The following TMEM131L variants were observed in gnomAD, a reference collection of about 807,000 sequenced individuals.
TMEM131L encodes the protein transmembrane protein 131-like.
A neutral mutation model predicts 192.2 loss-of-function variants in TMEM131L; 54 were observed. That is an observed-to-expected ratio of 0.28 (90% confidence interval 0.23 to 0.35). The LOEUF (loss-of-function observed/expected upper bound fraction) is 0.35. TMEM131L is among the 10% of genes least tolerant of loss of function. TMEM131L has a pLI of 1.00. For missense variants in TMEM131L, 1,888 were observed against 1,972.9 expected (o/e 0.96, Z 0.82); for synonymous variants, 701 against 704.9 (o/e 0.99, Z 0.09).
chr4:153,578,948 G>A (rs914116301), intron 7 of TMEM131L, among the ~76,000 whole-genome samples: 6 of 152,184 alleles, frequency 3.9e-5, no homozygotes, highest in Middle Eastern at 3.4e-3. Context: ...ATGAGCCACT[G>A]CACCCAGCCT....
chr4:153,469,314 G>GACACACACACACACACACACAC lies in TMEM131L; in HGVS notation c.195+2038_195+2059dup, dbSNP rs201245535. The stretch of plus-strand genomic sequence containing the variant: ...TATACCTGGGCCCAAGGGTAAGGGA[G>GACACACACACACACACACACAC]ACACACACACACACACACACACACA... On this transcript the variant is annotated intron_variant, in intron 2 of 34. Coordinates refer to ENST00000409959, the MANE Select transcript of TMEM131L (RefSeq NM_001131007.2). Among the ~76,000 whole-genome samples, 142 of 148,918 alleles carry GACACACACACACACACACACAC rather than the reference G, an allele frequency of 9.5e-4. 1 individual carries two copies. Among genetic ancestry groups the GACACACACACACACACACACAC allele is most frequent in the African/African-American group, 3.3e-3 (134 of 40,130 alleles).
intron 3 of TMEM131L, among the ~76,000 whole-genome samples, chr4:153,531,515 A>C (rs529484508): frequency 2.0e-5 from 3 of 152,258 alleles, no homozygotes; most frequent in Admixed American, 6.5e-5. Context: ...GGAAAGGAAT[A>C]TATTTCAAAA....
rs180889946 is a variant in TMEM131L at position 153,592,667 on chromosome 4, C to T, written c.1922+83C>T. ...TACTTAATGTCCTACACTTTTTCAA[C>T]CAGGACCTGTGTGTGGATGTGGACA... On this transcript the variant is annotated intron_variant, in intron 18 of 34. Coordinates refer to ENST00000409959, the MANE Select transcript of TMEM131L (RefSeq NM_001131007.2). The T allele has an allele frequency of 8.6e-5, 82 of 951,804 alleles. No homozygotes were observed. The East Asian group carries it at 1.6e-3, about 19-fold the overall frequency. The allele number at this position is 951,804 out of a possible 1,614,324, so 59.0% of individuals were successfully genotyped here. A position where few individuals can be genotyped will look rare whatever the true frequency, so the allele number is the denominator to read the frequency against.
chr4:153,573,077 C>T (rs1729699620), intron 7 of TMEM131L, among the ~76,000 whole-genome samples: 1 of 152,184 alleles, frequency 6.6e-6, no homozygotes, highest in African/African-American at 2.4e-5. Flanking sequence ...TTCTGTTGCA[C>T]ATATATATCA....
At chr4:153,477,601 A>T (rs1057085956) in intron 3 of TMEM131L, among the ~76,000 whole-genome samples, 3 of 143,836 alleles carry the variant, frequency 2.1e-5, no homozygotes, top group African/African-American at 4.9e-5. Context: ...GACTTATATA[A>T]AAAAAAAATT....
chr4:153,550,184 C>G (rs746715082), intron 4 of TMEM131L, 43 bp downstream of exon 4: 463 of 833,074 alleles, frequency 5.6e-4, no homozygotes, highest in Admixed American at 4.1e-4. Flanking sequence ...TTTATTTATA[C>G]TATTTATTTT....
At chr4:153,624,137 T>G (rs1291121855) in intron 29 of TMEM131L, among the ~76,000 whole-genome samples, 3 of 150,900 alleles carry the variant, frequency 2.0e-5, no homozygotes, top group Non-Finnish European at 2.9e-5. Flanking sequence ...TATTTTTTTT[T>G]TGAGAGAGAG....
intron 7 of TMEM131L, among the ~76,000 whole-genome samples, chr4:153,563,758 C>T (rs990173556): frequency 5.3e-5 from 8 of 152,206 alleles, no homozygotes; most frequent in South Asian, 4.1e-4. Context: ...TAAACCACCA[C>T]GCCTGGCCTG....
At chr4:153,572,007 ATC>A (rs1344590793) in intron 7 of TMEM131L, among the ~76,000 whole-genome samples, 7 of 151,598 alleles carry the variant, frequency 4.6e-5, no homozygotes, top group Non-Finnish European at 1.0e-4. Flanking sequence ...CTCTTTTTAT[ATC>A]TGTTTAACCT....
At chr4:153,552,667 T>TA (rs1442412632) in intron 4 of TMEM131L, among the ~76,000 whole-genome samples, 6 of 151,990 alleles carry the variant, frequency 3.9e-5, no homozygotes, top group Admixed American at 3.3e-4. Flanking sequence ...CCTGTCTCCA[T>TA]AAAATTTTTT....
In TMEM131L at chr4:153,581,402, C is replaced by T. The variant is rs1340038554; in HGVS notation, c.739-5C>T. The T allele has an allele frequency of 1.3e-6, 2 of 1,535,100 alleles. No homozygotes were observed. Among genetic ancestry groups the T allele is most frequent in the South Asian group, 1.3e-5 (1 of 79,770 alleles). ...TTCCTTTTTTCCTCCTCCTTCCAAC[C>T]ATAGGGTTGTTATCTGGAATCTGAT... On this transcript the variant is annotated splice_region_variant and splice_polypyrimidine_tract_variant and intron_variant, in intron 8 of 34. Coordinates refer to ENST00000409959, the MANE Select transcript of TMEM131L (RefSeq NM_001131007.2).
rs56205456 is a variant in TMEM131L at position 153,569,581 on chromosome 4, C to T, written c.660+11213C>T. Among the ~76,000 whole-genome samples, 1,368 of 152,230 alleles carry T rather than the reference C, an allele frequency of 9.0e-3. 13 individuals carry two copies. The highest frequency in any genetic ancestry group is 0.016 in the Non-Finnish European group (1,065 of 67,976). On this transcript the variant is annotated intron_variant, in intron 7 of 34. Transcript: ENST00000409959. ...AATATCAGCCATATAAAATGCCTGT[C>T]ATAGAGATGCATAGTGGGAGTGAAT...
chr4:153,555,870 C>T lies in TMEM131L; in HGVS notation c.392C>T (p.Ala131Val). Residue 131 changes from alanine to valine, a missense_variant, in exon 5 of 35, where the codon GCA becomes GTA. Physicochemically the swap from Ala to Val is moderately conservative, Grantham distance 64. Transcript: ENST00000409959. The surrounding 1 kb of genome is among the most constrained non-coding windows in gnomAD (Gnocchi z 4.1). Reference protein sequence around the residue: ...DSEVVVNSVFAAAGHFHVPPV... With the variant: ...DSEVVVNSVFVAAGHFHVPPV... ...GAGGTTGTGGTGAATTCAGTGTTTG[C>T]AGCTGCTGGACATTTCCATGTACCG... is the stretch of plus-strand genomic sequence containing the variant. 6.4e-7 allele frequency: 1 copy of T among 1,551,648 alleles called. No individual in the cohort carries two copies. The highest frequency in any genetic ancestry group is 8.7e-7 in the Non-Finnish European group (1 of 1,146,958).
intron 7 of TMEM131L, among the ~76,000 whole-genome samples, chr4:153,570,002 T>TTTTTA (rs112256136): frequency 0.022 from 3,314 of 152,140 alleles, 130 homozygotes; most frequent in African/African-American, 0.076. Context: ...CAATTTCTTG[T>TTTTTA]TTTTATTTTA....
intron 9 of TMEM131L, among the ~76,000 whole-genome samples, chr4:153,582,865 T>C (rs1730454716): frequency 6.6e-6 from 1 of 152,174 alleles, no homozygotes. Context: ...ATAGCTTTAT[T>C]TGAAGTCGTC....
chr4:153,497,854 TTTC>T (rs1395546176), intron 3 of TMEM131L, among the ~76,000 whole-genome samples: 30 of 151,056 alleles, frequency 2.0e-4, no homozygotes, highest in Non-Finnish European at 4.0e-4. Context: ...AAATCTTTTT[TTTC>T]TTTTTGTTAT....
chr4:153,481,259 A>G (rs1731919550), intron 3 of TMEM131L, among the ~76,000 whole-genome samples: 1 of 152,036 alleles, frequency 6.6e-6, no homozygotes, highest in African/African-American at 2.4e-5. Flanking sequence ...TTTGGAAATT[A>G]CCTTTCTCAG....
At chr4:153,562,721 A>T (rs1728925762) in intron 7 of TMEM131L, among the ~76,000 whole-genome samples, 1 of 152,240 alleles carries the variant, frequency 6.6e-6, no homozygotes, top group African/African-American at 2.4e-5. Context: ...TCTGATAGAA[A>T]GCTAAGCAAG....
In TMEM131L at chr4:153,636,481, C is replaced by T. The variant is rs764856494; in HGVS notation, c.4738C>T (p.Arg1580Cys). 6 of 1,614,160 alleles carry T rather than the reference C, an allele frequency of 3.7e-6. No homozygotes were observed. Among genetic ancestry groups the T allele is most frequent in the South Asian group, 2.2e-5 (2 of 91,074 alleles). Residue 1580 changes from arginine to cysteine, a missense_variant, in exon 35 of 35, where the codon CGC becomes TGC. Transcript: ENST00000409959. ...KEYYPGFNPFRAYMNLDIWTT... is the reference protein window; with the variant it reads ...KEYYPGFNPFCAYMNLDIWTT... Reference sequence around the variant, plus strand: ...ATACTACCCGGGGTTCAACCCGTTTCGCGCCTATATGAACCTGGACATATG... The same window carrying T: ...ATACTACCCGGGGTTCAACCCGTTTTGCGCCTATATGAACCTGGACATATG...
Sources: gnomAD v4.1 joint callset for allele counts (sites outside exome capture counted in the v4.1 genomes callset) on GRCh38, gnomAD v4.1.1 for gene constraint, Gnocchi (gnomAD v3.1) non-coding constraint, MANE v1.5 for transcripts, NCBI Gene and HGNC (gene_info 2026-07-23, HGNC 2026-07-21) for gene names.